Variants in PHACTR4 observed in about 807,000 individuals in gnomAD.
PHACTR4 encodes the protein phosphatase and actin regulator 4.
PHACTR4 carries 51 observed loss-of-function variants against 72.7 expected under a neutral mutation model. That is an observed-to-expected ratio of 0.70 (90% CI 0.56 to 0.89). PHACTR4 has a LOEUF of 0.89. Ranked by LOEUF, PHACTR4 falls within the 40% of genes least tolerant of loss-of-function variation. The pLI is 0.00. For missense variants in PHACTR4, 731 were observed against 861.8 expected (o/e 0.85, Z 1.90); for synonymous variants, 255 against 302.5 (o/e 0.84, Z 1.63).
At chr1:28,491,917 A>G in intron 12 of PHACTR4, 130 bp downstream of exon 12, 1 of 1,187,920 alleles carries the variant, frequency 8.4e-7, no homozygotes, top group Non-Finnish European at 1.1e-6. Flanking sequence ...TAAATTTCAA[A>G]TCAAGATACA....
At chr1:28,488,571 C>A (rs1660848770) in intron 9 of PHACTR4, among the ~76,000 whole-genome samples, 1 of 151,972 alleles carries the variant, frequency 6.6e-6, no homozygotes, top group Non-Finnish European at 1.5e-5. Context: ...GGGAAGATAG[C>A]TTGAGCCCAG....
At position 28,392,876 on chromosome 1, in the gene PHACTR4, A is replaced by G. The variant is rs927781472; in HGVS notation, c.-38-14534A>G. On this transcript the variant is annotated intron_variant, in intron 1 of 13. Coordinates refer to ENST00000373839, the MANE Select transcript of PHACTR4 (RefSeq NM_001048183.3). ...TCTATCTGTGAAATTGTGAAGACGA[A>G]AAAAGAAAATTGTGCTAGTTTTGCT... Among the ~76,000 whole-genome samples the G allele has an allele frequency of 4.6e-5, 7 of 152,204 alleles. No homozygotes were observed. In the East Asian group the frequency reaches 9.6e-4, roughly 21 times the overall value.
chr1:28,458,119 TG>T (rs1658537700), intron 2 of PHACTR4, among the ~76,000 whole-genome samples: 1 of 145,234 alleles, frequency 6.9e-6, no homozygotes, highest in Admixed American at 6.8e-5. Context: ...TGTGTGTGTG[TG>T]TGTGTGTGTG....
intron 1 of PHACTR4, among the ~76,000 whole-genome samples, chr1:28,398,825 G>GA (rs1320655193): frequency 5.4e-5 from 8 of 148,828 alleles, no homozygotes; most frequent in African/African-American, 1.5e-4. Context: ...TCTCAAAAAA[G>GA]AAAAAAAAAT....
intron 10 of PHACTR4, 52 bp from the exon 11 acceptor site, chr1:28,490,899 T>C: frequency 6.5e-7 from 1 of 1,527,878 alleles, no homozygotes; most frequent in Admixed American, 1.7e-5. Flanking sequence ...ACGTTTGATA[T>C]GCAAATTGTC....
intron 2 of PHACTR4, among the ~76,000 whole-genome samples, chr1:28,414,986 C>T (rs968421284): frequency 3.9e-5 from 6 of 151,956 alleles, no homozygotes; most frequent in African/African-American, 1.2e-4. Context: ...TTAGGCTGGG[C>T]GCGGTGGCTC....
At chr1:28,453,234 A>G (rs1393572578) in intron 2 of PHACTR4, among the ~76,000 whole-genome samples, 1 of 152,192 alleles carries the variant, frequency 6.6e-6, no homozygotes, top group African/African-American at 2.4e-5. Context: ...TATTGCCAGT[A>G]TCCACTTAAA....
chr1:28,460,207 G>T lies in PHACTR4; in HGVS notation c.191-5G>T. 1 of 1,609,426 alleles carries T rather than the reference G, an allele frequency of 6.2e-7. No homozygotes were observed. Among genetic ancestry groups the T allele is most frequent in the Non-Finnish European group, 8.5e-7 (1 of 1,176,608 alleles). ...TCTGAGTGCCATTTTCCAATTTAAT[G>T]TTAGTTTTAGAACGGAAAATATCTA... On this transcript the variant is annotated splice_polypyrimidine_tract_variant and splice_region_variant and intron_variant, in intron 3 of 13. Coordinates refer to ENST00000373839, the MANE Select transcript of PHACTR4 (RefSeq NM_001048183.3).
In PHACTR4 at chr1:28,466,642, A is replaced by G; in HGVS notation, c.697A>G (p.Thr233Ala). The change falls in exon 6 of 14, where the codon ACT becomes GCT. Residue 233 changes from threonine to alanine, a missense_variant. Physicochemically the swap from Thr to Ala is moderately conservative, Grantham distance 58. This residue lies in a region of PHACTR4 where 621 missense variants were observed against 676.6 expected (regional missense o/e 0.92). Coordinates refer to ENST00000373839, the MANE Select transcript of PHACTR4 (RefSeq NM_001048183.3). ...TGTCACCCCTTCCCCAGCACCCAGG[A>G]CTCTGCCTGCTGCTCCTGCCAGCAC... ...LSVTPSPAPR[T>A]LPAAPASTNT... The G allele has an allele frequency of 1.9e-6, 3 of 1,613,612 alleles. No homozygotes were observed. The highest frequency in any genetic ancestry group is 2.5e-6 in the Non-Finnish European group (3 of 1,179,912).
chr1:28,412,221 T>G (rs1654836745), intron 2 of PHACTR4, among the ~76,000 whole-genome samples: 1 of 152,230 alleles, frequency 6.6e-6, no homozygotes, highest in Non-Finnish European at 1.5e-5. Context: ...TAATTTTCTT[T>G]ATTAGTGACA....
At chr1:28,418,202 A>T (rs1341708701) in intron 2 of PHACTR4, among the ~76,000 whole-genome samples, 2 of 152,072 alleles carry the variant, frequency 1.3e-5, no homozygotes, top group East Asian at 3.9e-4. Flanking sequence ...GTGGTGGCTC[A>T]TGCCTATCCC....
chr1:28,432,975 G>A, intron 2 of PHACTR4: 1 of 540,094 alleles, frequency 1.9e-6, no homozygotes, highest in Non-Finnish European at 2.4e-6. Context: ...TGAACTCCTG[G>A]ACTCAAGCAA....
At chr1:28,404,287 T>C (rs1204665870) in intron 1 of PHACTR4, among the ~76,000 whole-genome samples, 3 of 144,176 alleles carry the variant, frequency 2.1e-5, no homozygotes, top group Non-Finnish European at 4.5e-5. Context: ...TTTTTTTTTT[T>C]TTTTTTTTTT....
chr1:28,453,258 C>G (rs931306028), intron 2 of PHACTR4, among the ~76,000 whole-genome samples: 1 of 152,214 alleles, frequency 6.6e-6, no homozygotes, highest in Admixed American at 6.5e-5. Context: ...CTGTATGATG[C>G]TAATTTTCTA....
chr1:28,446,009 ATAAT>A (rs1278505699), intron 2 of PHACTR4, among the ~76,000 whole-genome samples: 5 of 147,212 alleles, frequency 3.4e-5, no homozygotes, highest in Admixed American at 6.6e-5. Flanking sequence ...ACTGGAGTAA[ATAAT>A]AGGTTAATTT....
At chr1:28,383,222 T>C (rs1652320666) in intron 1 of PHACTR4, among the ~76,000 whole-genome samples, 1 of 152,020 alleles carries the variant, frequency 6.6e-6, no homozygotes, top group Non-Finnish European at 1.5e-5. Flanking sequence ...TCTATGTGTC[T>C]TTTTTTGTAC....
intron 7 of PHACTR4, among the ~76,000 whole-genome samples, chr1:28,475,729 C>CTTTTTTTTTTTTTTTTTTTT (rs71672836): frequency 5.9e-5 from 8 of 135,290 alleles, no homozygotes; most frequent in African/African-American, 2.1e-4. Context: ...AGTCCTTTGT[C>CTTTTTTTTTTTTTTTTTTTT]TTTTTTTTTT....
intron 2 of PHACTR4, among the ~76,000 whole-genome samples, chr1:28,415,185 C>T (rs904769860): frequency 1.3e-5 from 2 of 150,718 alleles, no homozygotes; most frequent in African/African-American, 2.4e-5. Context: ...TGCTTGAACC[C>T]GGGAGGCGGA....
At chr1:28,409,090 C>T (rs957522771) in intron 2 of PHACTR4, among the ~76,000 whole-genome samples, 4 of 150,998 alleles carry the variant, frequency 2.6e-5, no homozygotes, top group African/African-American at 9.7e-5. Flanking sequence ...GCGATAAAGT[C>T]ATTTACTGTG....
Sources: gnomAD v4.1 joint callset for allele counts (sites outside exome capture counted in the v4.1 genomes callset) on GRCh38, gnomAD v4.1.1 for gene constraint, gnomAD v4.1.1 regional missense constraint, MANE v1.5 for transcripts, NCBI Gene and HGNC (gene_info 2026-07-23, HGNC 2026-07-21) for gene names.